ATF7IP: variants seen among roughly 807,000 people sequenced by gnomAD.
The protein encoded by ATF7IP is activating transcription factor 7-interacting protein 1.
A neutral mutation model predicts 106.4 loss-of-function variants in ATF7IP; 23 were observed. The ratio of observed to expected loss-of-function variants is 0.22; its 90% CI spans 0.16 to 0.31. ATF7IP has a LOEUF of 0.31. ATF7IP is among the 10% of genes least tolerant of loss of function. The pLI is 1.00. For synonymous variants in ATF7IP, 542 were observed against 539.0 expected (o/e 1.01, Z -0.08); for missense variants, 1,334 against 1,524.3 (o/e 0.88, Z 2.08).
intron 5 of ATF7IP, among the ~76,000 whole-genome samples, chr12:14,445,216 C>T (rs1942898820): frequency 6.6e-6 from 1 of 151,868 alleles, no homozygotes; most frequent in South Asian, 2.1e-4. Context: ...GTCTTGAACT[C>T]CAGACCTTGT....
rs1309020271 is a variant in ATF7IP at position 14,424,085 on chromosome 12, C to T, written c.170C>T (p.Ser57Leu). Reference sequence around the variant, plus strand: ...GAAAATGGAGATTTGGACCCAACCTCACCTTTGGAAAACATGGATTACATT... The same window carrying T: ...GAAAATGGAGATTTGGACCCAACCTTACCTTTGGAAAACATGGATTACATT... ...NHENGDLDPT[S>L]PLENMDYIKD... The change falls in exon 2 of 15, where the codon TCA (serine) becomes TTA (leucine). Residue 57 changes from serine (S) to leucine (L), a missense_variant. By Grantham distance (145) the Ser-to-Leu change is moderately radical (BLOSUM62 -2). This residue lies in a region of ATF7IP where 74 missense variants were observed against 101.9 expected (regional missense o/e 0.73). Coordinates refer to ENST00000261168, the MANE Select transcript of ATF7IP (RefSeq NM_018179.5). The T allele has an allele frequency of 6.8e-6, 11 of 1,614,026 alleles. No homozygotes were observed. Among genetic ancestry groups the T allele is most frequent in the South Asian group, 1.1e-5 (1 of 91,090 alleles).
rs150090114 is a variant in ATF7IP at position 14,373,868 on chromosome 12, C to T, written c.-8+8041C>T. Among the ~76,000 whole-genome samples, 21 of 151,848 alleles carry T rather than the reference C, an allele frequency of 1.4e-4. 2 individuals are homozygous for T. The highest frequency in any genetic ancestry group is 1.0e-3 in the Admixed American group (16 of 15,246). ...TAGAATTCTTCCCCTCTCTGCTTGC[C>T]GTTGAAAACATTATGATTAGTTTTG... On this transcript the variant is annotated intron_variant, in intron 1 of 14. Transcript: ENST00000261168.
intron 6 of ATF7IP, among the ~76,000 whole-genome samples, chr12:14,447,745 A>G (rs59869555): frequency 0.065 from 9,912 of 152,146 alleles, 726 homozygotes; most frequent in African/African-American, 0.18. Flanking sequence ...TGCCTGTAGT[A>G]TTCCTGTTCT....
At chr12:14,481,700 T>TA in intron 13 of ATF7IP, 1 of 383,912 alleles carries the variant, frequency 2.6e-6, no homozygotes, top group East Asian at 8.3e-5. Context: ...CCTGTATTAG[T>TA]ATAGTACACA....
At chr12:14,436,465 A>G (rs1236884379) in intron 4 of ATF7IP, among the ~76,000 whole-genome samples, 1 of 152,130 alleles carries the variant, frequency 6.6e-6, no homozygotes, top group African/African-American at 2.4e-5. Context: ...GCTGAGGTGG[A>G]TGGATCACCT....
intron 6 of ATF7IP, 121 bp downstream of exon 6, chr12:14,447,174 C>A: frequency 1.8e-6 from 1 of 542,338 alleles, no homozygotes; most frequent in Non-Finnish European, 3.0e-6. Flanking sequence ...GTGTACTCCT[C>A]TATGTAATTT....
At position 14,457,192 on chromosome 12, in the gene ATF7IP, A is replaced by C. The variant is rs200814310; in HGVS notation, c.2070-15A>C. 3.8e-6 allele frequency: 6 copies of C among 1,598,124 alleles called. No individual in the cohort carries two copies. The highest frequency in any genetic ancestry group is 5.1e-6 in the Non-Finnish European group (6 of 1,166,620). Reference sequence around the variant, plus strand: ...GCATATCTATTGACTATTGGTGTGTATATGTATTTCATAGAAATGCAGGCA... The same window carrying C: ...GCATATCTATTGACTATTGGTGTGTCTATGTATTTCATAGAAATGCAGGCA... On this transcript the variant is annotated splice_polypyrimidine_tract_variant and intron_variant, in intron 7 of 14. Transcript: ENST00000261168.
intron 1 of ATF7IP, 67 bp from the exon 2 acceptor site, chr12:14,423,842 G>T: frequency 6.7e-7 from 1 of 1,487,158 alleles, no homozygotes; most frequent in Admixed American, 2.3e-5. Flanking sequence ...AGATCAATTT[G>T]TATTAAGTCT....
intron 10 of ATF7IP, 141 bp downstream of exon 10, chr12:14,466,731 G>A: frequency 2.9e-6 from 2 of 689,524 alleles, no homozygotes; most frequent in Non-Finnish European, 4.8e-6. Flanking sequence ...CAGCTTCTCT[G>A]TAATGTTTGA....
At position 14,499,121 on chromosome 12, in the gene ATF7IP, C is replaced by T. The variant is rs10846012; in HGVS notation, c.*1048C>T. On this transcript the variant is annotated 3_prime_UTR_variant, in exon 15 of 15. Transcript: ENST00000261168. ...TCGGCCTCCCAGAGTGCTGCGATTACAGTTGTGAGCCACTGTATCCAGCCT... is the reference window on the plus strand; with the variant it reads ...TCGGCCTCCCAGAGTGCTGCGATTATAGTTGTGAGCCACTGTATCCAGCCT... The T allele has an allele frequency of 0.24, 37,113 of 152,102 alleles. 5,427 individuals carry two copies. The highest frequency in any genetic ancestry group is 0.35 in the East Asian group (1,786 of 5,164). 9.4% of individuals were successfully genotyped at this position (152,102 alleles called of 1,614,324 possible). A position where few individuals can be genotyped will look rare whatever the true frequency, so the allele number is the denominator to read the frequency against.
rs1163670399 is a variant in ATF7IP at position 14,498,430 on chromosome 12, G to A, written c.*357G>A. 1 of 188,352 alleles carries A rather than the reference G, an allele frequency of 5.3e-6. No homozygotes were observed. The highest frequency in any genetic ancestry group is 1.1e-5 in the Non-Finnish European group (1 of 91,310). 11.7% of individuals were successfully genotyped at this position (188,352 alleles called of 1,614,324 possible). ...TACCTCTTAAAGTACGAAGTAAGTA[G>A]ATCAAAGGATTTGAGATGTGTAACT... On this transcript the variant is annotated 3_prime_UTR_variant, in exon 15 of 15. Transcript: ENST00000261168.
intron 1 of ATF7IP, among the ~76,000 whole-genome samples, chr12:14,423,171 G>A (rs1166372239): frequency 6.6e-6 from 1 of 151,968 alleles, no homozygotes; most frequent in Non-Finnish European, 1.5e-5. Context: ...TTTTGGCTTA[G>A]GGGTCTCTTT....
At chr12:14,396,919 G>C (rs1939881861) in intron 1 of ATF7IP, among the ~76,000 whole-genome samples, 2 of 152,124 alleles carry the variant, frequency 1.3e-5, no homozygotes, top group African/African-American at 4.8e-5. Context: ...CCAGCACTTT[G>C]GGAGGCCGAG....
chr12:14,371,740 A>G (rs1466073413), intron 1 of ATF7IP, among the ~76,000 whole-genome samples: 2 of 152,144 alleles, frequency 1.3e-5, no homozygotes, highest in African/African-American at 4.8e-5. Context: ...ATGATTCTGA[A>G]TCAGAGAATA....
chr12:14,367,885 TTGG>T (rs1325941661), intron 1 of ATF7IP, among the ~76,000 whole-genome samples: 4 of 152,198 alleles, frequency 2.6e-5, no homozygotes, highest in South Asian at 4.1e-4. Flanking sequence ...AAATTTTAGT[TTGG>T]TGGTTATGAT....
In ATF7IP at chr12:14,499,170, G is replaced by A. The variant is rs1022647172; in HGVS notation, c.*1097G>A. 3.3e-5 allele frequency: 5 copies of A among 152,060 alleles called. No homozygotes were observed. Among genetic ancestry groups the A allele is most frequent in the African/African-American group, 1.2e-4 (5 of 41,402 alleles). The allele number at this position is 152,060 out of a possible 1,614,324, so 9.4% of individuals were successfully genotyped here. ...CTACTCAAGTGATTTTTAAACCAAG[G>A]TGTGTGTATGTACATGGATGTGTAT... On this transcript the variant is annotated 3_prime_UTR_variant, in exon 15 of 15. Coordinates refer to ENST00000261168, the MANE Select transcript of ATF7IP (RefSeq NM_018179.5).
chr12:14,433,256 C>T (rs1942228657), intron 2 of ATF7IP, among the ~76,000 whole-genome samples: 1 of 152,028 alleles, frequency 6.6e-6, no homozygotes, highest in Non-Finnish European at 1.5e-5. Context: ...CCTGTAATCT[C>T]AGCACTTTGG....
At chr12:14,396,966 GC>G (rs1230598842) in intron 1 of ATF7IP, among the ~76,000 whole-genome samples, 2 of 152,074 alleles carry the variant, frequency 1.3e-5, no homozygotes, top group Non-Finnish European at 2.9e-5. Context: ...TTCGAGACCA[GC>G]CTGACTAACA....
At chr12:14,409,818 T>C (rs1940807313) in intron 1 of ATF7IP, among the ~76,000 whole-genome samples, 2 of 152,120 alleles carry the variant, frequency 1.3e-5, no homozygotes, top group African/African-American at 4.8e-5. Context: ...TTGGTATAGT[T>C]GTTCTGTCCA....
Sources: allele counts gnomAD v4.1 joint callset (sites outside exome capture counted in the v4.1 genomes callset), GRCh38; gene constraint gnomAD v4.1.1; regional missense constraint gnomAD v4.1.1; transcripts MANE v1.5; gene names NCBI Gene and HGNC (gene_info 2026-07-23, HGNC 2026-07-21).